LDHA: variants seen among roughly 807,000 people sequenced by gnomAD.
LDHA encodes the protein L-lactate dehydrogenase A chain.
LDHA carries 10 observed loss-of-function variants against 36.3 expected under a neutral mutation model. The ratio of observed to expected loss-of-function variants is 0.28; its 90% CI spans 0.17 to 0.47. LDHA has a LOEUF of 0.47. Among genes scored for constraint, LDHA ranks in the 20% least tolerant of loss-of-function variants. The pLI is 0.99. For synonymous variants in LDHA, 110 were observed against 136.7 expected (o/e 0.80, Z 1.36); for missense variants, 267 against 405.8 (o/e 0.66, Z 2.94).
Position 18,408,243 on chromosome 11 carries a change from C to T in LDHA, c.*962C>T, listed in dbSNP as rs771190916. ...GTGCAGTGGCTCATGCCTATAATCC[C>T]AGCACTTTGGGAAGCCCAGGTGGGC... is the stretch of plus-strand genomic sequence containing the variant. On this transcript the variant is annotated 3_prime_UTR_variant, in exon 8 of 8. Coordinates refer to ENST00000422447, the MANE Select transcript of LDHA (RefSeq NM_005566.4). 1.3e-4 allele frequency: 59 copies of T among 453,854 alleles called. 1 individual carries two copies. In the Middle Eastern group the frequency reaches 4.2e-3, roughly 32 times the overall value. The allele number at this position is 453,854 out of a possible 1,614,324, so 28.1% of individuals were successfully genotyped here. A position where few individuals can be genotyped will look rare whatever the true frequency, so the allele number is the denominator to read the frequency against.
chr11:18,396,297 G>A, intron 1 of LDHA: 1 of 380,336 alleles, frequency 2.6e-6, no homozygotes. Flanking sequence ...GGCGTTCGGA[G>A]GACCCAGCAA....
chr11:18,395,850 CTA>C (rs1866273468), intron 1 of LDHA, among the ~76,000 whole-genome samples: 1 of 152,260 alleles, frequency 6.6e-6, no homozygotes, highest in Non-Finnish European at 1.5e-5. Flanking sequence ...TGTACTGAAA[CTA>C]TTTCTTCATA....
intron 1 of LDHA, 64 bp from the exon 2 acceptor site, chr11:18,396,755 A>C (rs1866318663): frequency 1.4e-6 from 2 of 1,474,860 alleles, no homozygotes; most frequent in African/African-American, 2.8e-5. Context: ...ATAGCTTAAA[A>C]AAATCTCTTG....
chr11:18,399,248 C>A, intron 2 of LDHA, 183 bp from the exon 3 acceptor site: 1 of 588,094 alleles, frequency 1.7e-6, no homozygotes, highest in Non-Finnish European at 3.1e-6. Flanking sequence ...TCAGTGCTAT[C>A]TATGTAGGGT....
At chr11:18,399,250 A>C in intron 2 of LDHA, 181 bp from the exon 3 acceptor site, 1 of 593,566 alleles carries the variant, frequency 1.7e-6, no homozygotes. Context: ...AGTGCTATCT[A>C]TGTAGGGTGT....
At chr11:18,406,901 A>C (rs1046715226) in intron 7 of LDHA, among the ~76,000 whole-genome samples, 3 of 144,426 alleles carry the variant, frequency 2.1e-5, no homozygotes, top group African/African-American at 7.8e-5. Context: ...GTAGTCCCAG[A>C]AGGCTGAAGC....
chr11:18,408,234 C>T lies in LDHA; in HGVS notation c.*953C>T. On this transcript the variant is annotated 3_prime_UTR_variant, in exon 8 of 8. Coordinates refer to ENST00000422447, the MANE Select transcript of LDHA (RefSeq NM_005566.4). The stretch of plus-strand genomic sequence containing the variant: ...TAAGGCAGGGTGCAGTGGCTCATGC[C>T]TATAATCCCAGCACTTTGGGAAGCC... The T allele has an allele frequency of 2.2e-6, 1 of 453,950 alleles. No homozygotes were observed. Among genetic ancestry groups the T allele is most frequent in the South Asian group, 1.6e-5 (1 of 64,428 alleles). 28.1% of individuals were successfully genotyped at this position (453,950 alleles called of 1,614,324 possible).
Position 18,408,095 on chromosome 11 carries a change from T to C in LDHA, c.*814T>C, listed in dbSNP as rs748483881. On this transcript the variant is annotated 3_prime_UTR_variant, in exon 8 of 8. Coordinates refer to ENST00000422447, the MANE Select transcript of LDHA (RefSeq NM_005566.4). ...TAATTGGAAAGTAACATTCTATATG[T>C]AAATGTAAAATTTATTTGCCAACTG... The C allele has an allele frequency of 2.2e-6, 1 of 454,048 alleles. No individual in the cohort carries two copies. The highest frequency in any genetic ancestry group is 4.4e-6 in the Non-Finnish European group (1 of 226,762). 28.1% of individuals were successfully genotyped at this position (454,048 alleles called of 1,614,324 possible).
At chr11:18,405,344 T>C (rs1335091577) in intron 6 of LDHA, 105 bp from the exon 7 acceptor site, 1 of 1,110,238 alleles carries the variant, frequency 9.0e-7, no homozygotes, top group Non-Finnish European at 1.4e-6. Context: ...TAATGCAACA[T>C]TGTGGCATTA....
chr11:18,398,228 C>T (rs1284247703), intron 2 of LDHA, among the ~76,000 whole-genome samples: 1 of 152,120 alleles, frequency 6.6e-6, no homozygotes, highest in Non-Finnish European at 1.5e-5. Context: ...CTGAAATGGA[C>T]CTATGAACTT....
rs1475034551 is a variant in LDHA, at chr11:18,407,601, T to C, written c.*320T>C. ...CCAGGTGGATGTTTACCGTGTGTTATATAACTTCCTGGCTCCTTCACTGAA... is the reference window on the plus strand; with the variant it reads ...CCAGGTGGATGTTTACCGTGTGTTACATAACTTCCTGGCTCCTTCACTGAA... On this transcript the variant is annotated 3_prime_UTR_variant, in exon 8 of 8. Transcript: ENST00000422447. 3.0e-6 allele frequency: 2 copies of C among 661,778 alleles called. No homozygotes were observed. The highest frequency in any genetic ancestry group is 1.8e-5 in the African/African-American group (1 of 56,470). 41.0% of individuals were successfully genotyped at this position (661,778 alleles called of 1,614,324 possible).
rs1272985965 is a variant in LDHA, at chr11:18,402,842, G to T, written c.421G>T (p.Asp141Tyr). The T allele has an allele frequency of 6.2e-7, 1 of 1,610,092 alleles. No individual in the cohort carries two copies. The highest frequency in any genetic ancestry group is 1.7e-4 in the Middle Eastern group (1 of 6,048). The stretch of plus-strand genomic sequence containing the variant: ...TTTTATTTTCTCCTTTTTCATAGTG[G>T]ATATCTTGACCTACGTGGCTTGGAA... ...CKLLIVSNPV[D>Y]ILTYVAWKIS... The change falls in exon 5 of 8, where the codon GAT becomes TAT. Residue 141 changes from aspartate (D) to tyrosine (Y), a missense_variant and splice_region_variant. Asp to Tyr is a radical substitution (Grantham distance 160). Coordinates refer to ENST00000422447, the MANE Select transcript of LDHA (RefSeq NM_005566.4).
chr11:18,397,509 T>C (rs1470270482), intron 2 of LDHA: 2 of 152,290 alleles, frequency 1.3e-5, no homozygotes, highest in African/African-American at 4.8e-5. Flanking sequence ...TTGAGGCAGC[T>C]TACAACATTA....
At chr11:18,395,145 G>T (rs116707169) in intron 1 of LDHA, 2,307 of 174,230 alleles carry the variant, frequency 0.013, 59 homozygotes, top group African/African-American at 0.052. Context: ...GAGGGCAGCT[G>T]CTGCCTGCAG....
intron 2 of LDHA, chr11:18,398,587 T>G (rs1866374077): frequency 1.4e-5 from 2 of 139,550 alleles, no homozygotes; most frequent in Admixed American, 1.5e-4. Context: ...GCCTTCACCA[T>G]ATTGGCCAGG....
At chr11:18,401,644 A>G (rs565513653) in intron 4 of LDHA, among the ~76,000 whole-genome samples, 1 of 150,130 alleles carries the variant, frequency 6.7e-6, no homozygotes, top group Non-Finnish European at 1.5e-5. Flanking sequence ...CGCCTGGCTA[A>G]TTTTTTGTAT....
chr11:18,398,571 A>G (rs1866373582), intron 2 of LDHA: 1 of 130,188 alleles, frequency 7.7e-6, no homozygotes, highest in African/African-American at 2.9e-5. Flanking sequence ...TTTTTAGTAG[A>G]GACAGGCCTT....
rs3758682 is a variant in LDHA at position 18,407,920 on chromosome 11, T to C, written c.*639T>C. 0.69 allele frequency: 313,006 copies of C among 453,688 alleles called. 109,891 individuals are homozygous for C. The highest frequency in any genetic ancestry group is 0.75 in the South Asian group (48,321 of 64,468). The allele number at this position is 453,688 out of a possible 1,614,324, so 28.1% of individuals were successfully genotyped here. A position where few individuals can be genotyped will look rare whatever the true frequency, so the allele number is the denominator to read the frequency against. ...TAGTTATTATATTAATTTGGAAATA[T>C]TAGGCTATTCTTGGGCAACCCTGCA... On this transcript the variant is annotated 3_prime_UTR_variant, in exon 8 of 8. Transcript: ENST00000422447.
intron 3 of LDHA, chr11:18,400,385 G>C: frequency 3.6e-6 from 1 of 275,290 alleles, no homozygotes; most frequent in Non-Finnish European, 7.1e-6. Flanking sequence ...TTTGTTAAGT[G>C]TAAAGCTGTC....
Sources: allele counts gnomAD v4.1 joint callset (sites outside exome capture counted in the v4.1 genomes callset), GRCh38; gene constraint gnomAD v4.1.1; transcripts MANE v1.5; gene names NCBI Gene and HGNC (gene_info 2026-07-23, HGNC 2026-07-21).